MYH13: variants seen among roughly 807,000 people sequenced by gnomAD.
MYH13 encodes myosin heavy chain 13.
A neutral mutation model predicts 232.1 loss-of-function variants in MYH13; 177 were observed. The observed-to-expected ratio is 0.76, with a 90% CI of 0.67 to 0.86. The LOEUF is 0.86. Among genes scored for constraint, MYH13 ranks in the 40% least tolerant of loss-of-function variants. The pLI, the probability that MYH13 is intolerant of heterozygous loss-of-function variation, is 0.00. For missense variants in MYH13, 2,246 were observed against 2,405.9 expected, an observed-to-expected ratio of 0.93 and a Z score of 1.39; for synonymous variants, 884 against 923.5, an observed-to-expected ratio of 0.96 and a Z score of 0.78.
chr17:10,303,385 G>A lies in MYH13; in HGVS notation c.5571+9C>T. 1 of 1,613,764 alleles carries A rather than the reference G, an allele frequency of 6.2e-7. No individual in the cohort carries two copies. The highest frequency in any genetic ancestry group is 8.5e-7 in the Non-Finnish European group (1 of 1,179,702). ...CAGCATTCACTGAGGAGGTTTTTGG[G>A]ACCCCTACCTGGTAAGTCATCTCCT... On this transcript the variant is annotated intron_variant, in intron 38 of 40. Transcript: ENST00000252172.
chr17:10,333,295 A>G, intron 18 of MYH13, 104 bp from the exon 19 acceptor site: 1 of 800,346 alleles, frequency 1.2e-6, no homozygotes, highest in East Asian at 2.7e-5. Context: ...TGAGTGGGAG[A>G]GTCAGTGAGT....
chr17:10,329,998 T>TTA lies in MYH13; in HGVS notation c.2435+388_2435+389insTA, dbSNP rs1555550353. Among the ~76,000 whole-genome samples, 4 of 132,322 alleles carry TTA rather than the reference T, an allele frequency of 3.0e-5. No individual in the cohort carries two copies. In the East Asian group the frequency reaches 9.7e-4, roughly 32 times the overall value. 86.8% of individuals were successfully genotyped at this position (132,322 alleles called of 152,430 possible). On this transcript the variant is annotated intron_variant, in intron 21 of 40. Transcript: ENST00000252172. ...CTGGATGACAGAGCAAGACTCTGTC[T>TTA]AAAAAAAAAAAAAAAGGAAAAAAGA...
rs185096417 is a variant in MYH13, at chr17:10,302,274, A to G, written c.5668-571T>C. 1.6e-4 allele frequency among the ~76,000 whole-genome samples: 24 copies of G among 152,296 alleles called. No individual in the cohort carries two copies. In the East Asian group the frequency reaches 4.4e-3, roughly 28 times the overall value. On this transcript the variant is annotated intron_variant, in intron 39 of 40. Transcript: ENST00000252172. ...GTCAGGATTGAACCAACCAGGCTCC[A>G]GGGAAGGGAGGAAAAAGAGCAATGG...
chr17:10,363,974 T>C (rs576960688), intron 3 of MYH13, among the ~76,000 whole-genome samples: 1 of 152,288 alleles, frequency 6.6e-6, no homozygotes, highest in Admixed American at 6.5e-5. Flanking sequence ...AGTCAATGGC[T>C]CCTGAGCTTC....
At chr17:10,314,421 A>C (rs1906629362) in intron 29 of MYH13, among the ~76,000 whole-genome samples, 1 of 152,158 alleles carries the variant, frequency 6.6e-6, no homozygotes, top group African/African-American at 2.4e-5. Flanking sequence ...ATCTCAAAAA[A>C]AAAAAAAAAG....
In MYH13 at chr17:10,354,676, T is replaced by C; in HGVS notation, c.1005+4A>G. 6.2e-7 allele frequency: 1 copy of C among 1,609,908 alleles called. No individual in the cohort carries two copies. The highest frequency in any genetic ancestry group is 2.2e-5 in the East Asian group (1 of 44,864). ...ATAAACAGACAAATAAATGGCATGC[T>C]TACATCTGTCGCCAGCAGTTCTTCA... On this transcript the variant is annotated splice_donor_region_variant and intron_variant, in intron 11 of 40. Transcript: ENST00000252172.
intron 13 of MYH13, 84 bp from the exon 14 acceptor site, chr17:10,345,700 A>G (rs1269818847): frequency 5.6e-6 from 9 of 1,608,698 alleles, no homozygotes; most frequent in Non-Finnish European, 7.7e-6. Context: ...TGACTCGAAA[A>G]TCAAAAGCTG....
At chr17:10,323,777 AAAAAAAAAAAAAGAAG>A (rs1424414359) in intron 23 of MYH13, among the ~76,000 whole-genome samples, 178 of 106,324 alleles carry the variant, frequency 1.7e-3, no homozygotes, top group Admixed American at 2.9e-3. Flanking sequence ...AAAAAAAAAA[AAAAAAAAAAAAAGAAG>A]AAGAAGAAGA....
chr17:10,352,714 G>A (rs2071719801), intron 11 of MYH13, among the ~76,000 whole-genome samples: 1 of 152,172 alleles, frequency 6.6e-6, no homozygotes, highest in Non-Finnish European at 1.5e-5. Context: ...TTCCTTAGGT[G>A]GGCCTTTCTC....
intron 21 of MYH13, among the ~76,000 whole-genome samples, 186 bp from the exon 22 acceptor site, chr17:10,328,307 C>T (rs1056358839): frequency 1.3e-5 from 2 of 152,286 alleles, no homozygotes; most frequent in Middle Eastern, 3.4e-3. Flanking sequence ...AACAGAGGTA[C>T]GTGCACAGGT....
intron 11 of MYH13, among the ~76,000 whole-genome samples, chr17:10,352,231 C>T (rs2071715647): frequency 6.6e-6 from 1 of 152,044 alleles, no homozygotes; most frequent in South Asian, 2.1e-4. Flanking sequence ...ATGTCACTCC[C>T]ATTATGAAGT....
chr17:10,328,072 T>C lies in MYH13; in HGVS notation c.2485A>G (p.Lys829Glu). The change falls in exon 22 of 41, where the codon AAG becomes GAG. Residue 829 changes from lysine (K) to glutamate (E), a missense_variant. Transcript: ENST00000252172. The part of the protein sequence containing the change: ...QYNIRSFMNV[K>E]HWPWMNLFFK... ...AACAGGTTCATCCAGGGCCAGTGCT[T>C]GACGTTCATAAAAGAGCGGATGTTG... 1 of 1,614,138 alleles carries C rather than the reference T, an allele frequency of 6.2e-7. No individual in the cohort carries two copies. Among genetic ancestry groups the C allele is most frequent in the Non-Finnish European group, 8.5e-7 (1 of 1,180,010 alleles).
intron 27 of MYH13, 131 bp downstream of exon 27, chr17:10,318,659 A>G (rs1906807281): frequency 3.3e-6 from 4 of 1,215,952 alleles, no homozygotes; most frequent in Non-Finnish European, 4.6e-6. Context: ...AACTAGAAAC[A>G]GGCAGAAATA....
At chr17:10,359,632 C>T (rs1210871948) in intron 7 of MYH13, among the ~76,000 whole-genome samples, 2 of 152,146 alleles carry the variant, frequency 1.3e-5, no homozygotes, top group African/African-American at 4.8e-5. Context: ...CCGGACTGGT[C>T]CCTGGTATCC....
chr17:10,340,345 C>A lies in MYH13; in HGVS notation c.1951G>T (p.Val651Leu), dbSNP rs377381885. 6.2e-7 allele frequency: 1 copy of A among 1,613,782 alleles called. No homozygotes were observed. The highest frequency in any genetic ancestry group is 8.5e-7 in the Non-Finnish European group (1 of 1,179,858). ...ACACCAACCCTGAACACGGCCGACA[C>A]GGTCTGGAAAGAGGAGCCCTTCTTC... ...GKKKGSSFQT[V>L]SAVFRENLNK... Residue 651 changes from valine (V) to leucine (L), a missense_variant, in exon 17 of 41, where the codon GTG becomes TTG. Val to Leu is a conservative substitution (Grantham distance 32, BLOSUM62 1). Transcript: ENST00000252172.
chr17:10,304,658 C>T lies in MYH13; in HGVS notation c.5467-1160G>A, dbSNP rs1906216498. ...CTTGATAGACCCAAAGCAAGTCAGT[C>T]GCCACCACTGAGCATGAGTTTCTGT... On this transcript the variant is annotated intron_variant, in intron 37 of 40. Coordinates refer to ENST00000252172, the MANE Select transcript of MYH13 (RefSeq NM_003802.3). The surrounding 1 kb of genome is among the most constrained non-coding windows in gnomAD (Gnocchi z 5.3). Among the ~76,000 whole-genome samples the T allele has an allele frequency of 6.6e-6, 1 of 152,206 alleles. No homozygotes were observed. Among genetic ancestry groups the T allele is most frequent in the African/African-American group, 2.4e-5 (1 of 41,460 alleles).
chr17:10,355,196 T>C, intron 8 of MYH13, 49 bp from the exon 9 acceptor site: 1 of 1,543,082 alleles, frequency 6.5e-7, no homozygotes, highest in Non-Finnish European at 8.8e-7. Context: ...ATTTATATGG[T>C]TTTGTGGCTG....
chr17:10,312,690 A>T lies in MYH13; in HGVS notation c.4249T>A (p.Ser1417Thr), dbSNP rs1906550511. ...AGCCTCTGCTTGGTTTTCTCCAACG[A>T]TGCGCACTTGGAGTTCGCCGTCTCC... ...NTETANSKCASLEKTKQRLQG... is the reference protein window; with the variant it reads ...NTETANSKCATLEKTKQRLQG... Residue 1417 changes from serine (S) to threonine (T), a missense_variant, in exon 31 of 41, where the codon TCG becomes ACG. By Grantham distance (58) the Ser-to-Thr change is moderately conservative. Coordinates refer to ENST00000252172, the MANE Select transcript of MYH13 (RefSeq NM_003802.3). 1 of 1,613,336 alleles carries T rather than the reference A, an allele frequency of 6.2e-7. No individual in the cohort carries two copies. Among genetic ancestry groups the T allele is most frequent in the Admixed American group, 1.7e-5 (1 of 59,936 alleles).
intron 27 of MYH13, among the ~76,000 whole-genome samples, chr17:10,317,125 C>G (rs1050722021): frequency 6.6e-6 from 1 of 152,128 alleles, no homozygotes; most frequent in Non-Finnish European, 1.5e-5. Context: ...CACGGCAATT[C>G]TGGAGATAGG....
Sources: allele counts gnomAD v4.1 joint callset (sites outside exome capture counted in the v4.1 genomes callset), GRCh38; gene constraint gnomAD v4.1.1; non-coding constraint Gnocchi (gnomAD v3.1); transcripts MANE v1.5; gene names NCBI Gene and HGNC (gene_info 2026-07-23, HGNC 2026-07-21).